The following EXOC2 variants were observed in gnomAD, a reference collection of about 807,000 sequenced individuals.
EXOC2 encodes SEC5-like 1.
Under a neutral mutation model 131.8 loss-of-function variants are expected in EXOC2, and 70 were observed. That is an observed-to-expected ratio of 0.53 (90% confidence interval 0.44 to 0.65). The LOEUF (loss-of-function observed/expected upper bound fraction) is 0.65, where lower values mean the gene tolerates loss of function less well. Among genes scored for constraint, EXOC2 ranks in the 30% least tolerant of loss-of-function variants. EXOC2 has a pLI of 0.00. For synonymous variants in EXOC2, 411 were observed against 398.4 expected, an observed-to-expected ratio of 1.03 and a Z score of -0.38; for missense variants, 923 against 1,108.6, an observed-to-expected ratio of 0.83 and a Z score of 2.38.
intron 1 of EXOC2, among the ~76,000 whole-genome samples, chr6:648,584 A>G (rs1762684881): frequency 6.6e-6 from 1 of 152,230 alleles, no homozygotes; most frequent in African/African-American, 2.4e-5. Flanking sequence ...TGCCTGTCAT[A>G]AACCTCATTT....
intron 22 of EXOC2, among the ~76,000 whole-genome samples, chr6:534,806 CTTT>C (rs1248026436): frequency 6.6e-6 from 1 of 152,200 alleles, no homozygotes; most frequent in East Asian, 1.9e-4. Context: ...TCTCGCCCTT[CTTT>C]ATCTCTCTCT....
intron 1 of EXOC2, chr6:689,256 AAAAT>A (rs1764805590): frequency 6.8e-6 from 1 of 147,928 alleles, no homozygotes; most frequent in Admixed American, 6.8e-5. Flanking sequence ...CCCAAAAACA[AAAAT>A]AAAGCAAACT....
intron 1 of EXOC2, among the ~76,000 whole-genome samples, chr6:659,863 A>T (rs534615148): frequency 6.6e-6 from 1 of 152,210 alleles, no homozygotes; most frequent in Non-Finnish European, 1.5e-5. Flanking sequence ...CCTCCTGGCC[A>T]GAACTTGGGA....
At chr6:569,328 C>T (rs1279201735) in intron 13 of EXOC2, among the ~76,000 whole-genome samples, 11 of 152,190 alleles carry the variant, frequency 7.2e-5, no homozygotes, top group Admixed American at 4.6e-4. Flanking sequence ...GTGAGAGCAA[C>T]GGCTGATTTC....
intron 23 of EXOC2, among the ~76,000 whole-genome samples, chr6:501,138 CTATATATATTATATATATCTA>C (rs1561785280): frequency 6.7e-4 from 6 of 8,920 alleles, no homozygotes; most frequent in African/African-American, 1.1e-3. Context: ...TTATATATAT[CTATATATATTATATATATCTA>C]TATATATTAT....
chr6:616,828 C>T (rs1172455942), intron 6 of EXOC2, among the ~76,000 whole-genome samples: 25 of 151,410 alleles, frequency 1.7e-4, no homozygotes, highest in Non-Finnish European at 3.2e-4. Flanking sequence ...CTGCAACCTC[C>T]GCCTCCCACG....
At chr6:502,021 G>A (rs941098941) in intron 23 of EXOC2, among the ~76,000 whole-genome samples, 14 of 152,108 alleles carry the variant, frequency 9.2e-5, no homozygotes, top group East Asian at 1.9e-4. Context: ...GCTGCTGTGG[G>A]GGCACTGGGG....
chr6:628,860 A>G lies in EXOC2; in HGVS notation c.422+975T>C, dbSNP rs141084366. ...GAACTCTTAATTTTGGAGGCACTGG[A>G]ATCCTTAAACGGCTCTAGAATGACC... On this transcript the variant is annotated intron_variant, in intron 4 of 27. Transcript: ENST00000230449. Among the ~76,000 whole-genome samples, 47 of 152,356 alleles carry G rather than the reference A, an allele frequency of 3.1e-4. No homozygotes were observed. The East Asian group carries it at 8.7e-3, about 28-fold the overall frequency.
rs374563944 is a variant in EXOC2, at chr6:631,181, C to T, written c.296-1220G>A. Among the ~76,000 whole-genome samples the T allele has an allele frequency of 2.5e-4, 38 of 152,312 alleles. 1 individual carries two copies. Among genetic ancestry groups the T allele is most frequent in the South Asian group, 2.3e-3 (11 of 4,832 alleles). On this transcript the variant is annotated intron_variant, in intron 3 of 27. Transcript: ENST00000230449. ...TGAACCCACTCATTCTCTCAGCACT[C>T]GTGGTTCTGCCAGCATGCAACAGGG...
chr6:618,634 T>C (rs73716854), intron 5 of EXOC2, among the ~76,000 whole-genome samples: 1 of 152,230 alleles, frequency 6.6e-6, no homozygotes, highest in African/African-American at 2.4e-5. Flanking sequence ...ATTTACCCTA[T>C]GTATTAAAAT....
At chr6:499,271 C>A (rs1763904353) in intron 24 of EXOC2, among the ~76,000 whole-genome samples, 1 of 152,150 alleles carries the variant, frequency 6.6e-6, no homozygotes. Flanking sequence ...CTTATTTGTA[C>A]ACAGGCTAAA....
intron 13 of EXOC2, among the ~76,000 whole-genome samples, chr6:570,953 A>C (rs1319153069): frequency 1.3e-5 from 2 of 152,208 alleles, no homozygotes; most frequent in Admixed American, 1.3e-4. Flanking sequence ...AGGGGGACCC[A>C]AGGCTTGACC....
intron 23 of EXOC2, among the ~76,000 whole-genome samples, chr6:517,427 AT>A (rs574979442): frequency 3.0e-4 from 46 of 152,254 alleles, no homozygotes; most frequent in Admixed American, 5.2e-4. Flanking sequence ...AAATAAAAAA[AT>A]ACCTTAGTAA....
chr6:583,611 C>T (rs1044216716), intron 11 of EXOC2, among the ~76,000 whole-genome samples: 1 of 152,146 alleles, frequency 6.6e-6, no homozygotes, highest in Non-Finnish European at 1.5e-5. Flanking sequence ...TTCTCAAGTC[C>T]CAGGTTACTG....
intron 6 of EXOC2, among the ~76,000 whole-genome samples, chr6:616,437 A>G (rs1761005731): frequency 6.6e-6 from 1 of 151,480 alleles, no homozygotes; most frequent in South Asian, 2.1e-4. Flanking sequence ...CCCCGTCTCT[A>G]CTAAAAATAC....
At chr6:645,160 A>G (rs1456203039) in intron 1 of EXOC2, among the ~76,000 whole-genome samples, 1 of 152,138 alleles carries the variant, frequency 6.6e-6, no homozygotes, top group Non-Finnish European at 1.5e-5. Context: ...ACATATGATT[A>G]TATGAGTTTT....
chr6:609,584 T>C (rs368135850), intron 7 of EXOC2, among the ~76,000 whole-genome samples: 12 of 152,330 alleles, frequency 7.9e-5, no homozygotes, highest in African/African-American at 1.9e-4. Context: ...CCTGGGCCTA[T>C]AATTTTTACA....
rs373868934 is a variant in EXOC2, at chr6:658,645, TTA to T, written c.-43-20786_-43-20785del. On this transcript the variant is annotated intron_variant, in intron 1 of 27. Transcript: ENST00000230449. ...GATATTTAAAATATATATATATATT[TTA>T]TATATATATATATATATATTTTTTT... Among the ~76,000 whole-genome samples the T allele has an allele frequency of 1.0e-4, 12 of 118,332 alleles. 1 individual carries two copies. Among genetic ancestry groups the T allele is most frequent in the African/African-American group, 2.8e-4 (9 of 32,136 alleles). The allele number at this position is 118,332 out of a possible 152,430, so 77.6% of individuals were successfully genotyped here. A position where few individuals can be genotyped will look rare whatever the true frequency, so the allele number is the denominator to read the frequency against.
rs557054179 is a variant in EXOC2, at chr6:541,974, T to C, written c.2238+7201A>G. On this transcript the variant is annotated intron_variant, in intron 22 of 27. Coordinates refer to ENST00000230449, the MANE Select transcript of EXOC2 (RefSeq NM_018303.6). ...ACCTACATGCTACAACATGGATACA[T>C]CTCAAAATAATACTGAGTGGGAAAA... Among the ~76,000 whole-genome samples the C allele has an allele frequency of 5.3e-5, 8 of 152,318 alleles. No individual in the cohort carries two copies. The East Asian group carries it at 1.5e-3, about 29-fold the overall frequency.
Sources: allele counts gnomAD v4.1 joint callset (sites outside exome capture counted in the v4.1 genomes callset), GRCh38; gene constraint gnomAD v4.1.1; transcripts MANE v1.5; gene names NCBI Gene and HGNC (gene_info 2026-07-23, HGNC 2026-07-21).